Variants in PDCD1LG2 observed in about 807,000 individuals in gnomAD.
PDCD1LG2 encodes the protein programmed cell death 1 ligand 2.
Under a neutral mutation model 28.2 loss-of-function variants are expected in PDCD1LG2, and 32 were observed. The observed-to-expected ratio is 1.13, with a 90% CI of 0.86 to 1.52. PDCD1LG2 has a LOEUF of 1.52. Among genes scored for constraint, PDCD1LG2 ranks in the 40% most tolerant of loss-of-function variants. The pLI, the probability that PDCD1LG2 is intolerant of heterozygous loss-of-function variation, is 0.00. For synonymous variants in PDCD1LG2, 116 were observed against 120.2 expected, an observed-to-expected ratio of 0.97 and a Z score of 0.23; for missense variants, 385 against 323.8, an observed-to-expected ratio of 1.19 and a Z score of -1.45.
intron 2 of PDCD1LG2, among the ~76,000 whole-genome samples, chr9:5,534,087 T>G (rs10435815): frequency 0.21 from 32,383 of 151,820 alleles, 4,435 homozygotes; most frequent in Middle Eastern, 0.38. Flanking sequence ...GTGCCTCATT[T>G]TTGTTTTCTG....
intron 3 of PDCD1LG2, among the ~76,000 whole-genome samples, chr9:5,548,513 C>A (rs1172884447): frequency 6.6e-6 from 1 of 152,134 alleles, no homozygotes; most frequent in East Asian, 1.9e-4. Flanking sequence ...TGGATATATA[C>A]CCAGAAGTAG....
chr9:5,531,654 G>C (rs1820486455), intron 2 of PDCD1LG2, among the ~76,000 whole-genome samples: 1 of 152,154 alleles, frequency 6.6e-6, no homozygotes, highest in Admixed American at 6.6e-5. Flanking sequence ...GAGTTCCAGA[G>C]GAAGTTATAG....
rs777037214 is a variant in PDCD1LG2 at position 5,535,000 on chromosome 9, T to A, written c.311T>A (p.Ile104Asn). The change falls in exon 3 of 7, where the codon ATC becomes AAC. Residue 104 changes from isoleucine (I) to asparagine (N), a missense_variant. By Grantham distance (149) the Ile-to-Asn change is moderately radical (BLOSUM62 -3). Coordinates refer to ENST00000397747, the MANE Select transcript of PDCD1LG2 (RefSeq NM_025239.4). ...VRDEGQYQCI[I>N]IYGVAWDYKY... ...GACGAAGGACAGTACCAATGCATAA[T>A]CATCTATGGGGTCGCCTGGGACTAC... 1.9e-6 allele frequency: 3 copies of A among 1,613,816 alleles called. No homozygotes were observed. In the East Asian group the frequency reaches 6.7e-5, roughly 36 times the overall value.
intron 5 of PDCD1LG2, among the ~76,000 whole-genome samples, chr9:5,560,909 C>T (rs560639078): frequency 1.3e-5 from 2 of 152,144 alleles, no homozygotes; most frequent in South Asian, 2.1e-4. Flanking sequence ...GTTTGGGGCT[C>T]GAGGGTGACC....
chr9:5,533,707 C>T (rs1314189862), intron 2 of PDCD1LG2, among the ~76,000 whole-genome samples: 1 of 151,988 alleles, frequency 6.6e-6, no homozygotes, highest in Non-Finnish European at 1.5e-5. Flanking sequence ...GCGTGTCCCT[C>T]ACATTTTGGT....
rs144665242 is a variant in PDCD1LG2 at position 5,569,055 on chromosome 9, C to T, written c.817-899C>T. ...GAAGGTGTGGGAAAGTGCACGTGAC[C>T]CCGTTCAGAGAGAAAGCCAGGTGTG... is the stretch of plus-strand genomic sequence containing the variant. On this transcript the variant is annotated intron_variant, in intron 6 of 6. Transcript: ENST00000397747. This position sits in a 1 kb window ranked among gnomAD's most constrained non-coding sequence, Gnocchi z 4.1. 6.6e-6 allele frequency among the ~76,000 whole-genome samples: 1 copy of T among 152,170 alleles called. No homozygotes were observed. Among genetic ancestry groups the T allele is most frequent in the African/African-American group, 2.4e-5 (1 of 41,514 alleles).
At chr9:5,540,757 G>C (rs563061507) in intron 3 of PDCD1LG2, among the ~76,000 whole-genome samples, 1 of 152,130 alleles carries the variant, frequency 6.6e-6, no homozygotes, top group Admixed American at 6.6e-5. Context: ...GGACCAGACA[G>C]ATTCATAGCT....
In PDCD1LG2 at chr9:5,520,404, T is replaced by G. The variant is rs112149137; in HGVS notation, c.-14-2129T>G. On this transcript the variant is annotated intron_variant, in intron 1 of 6. Coordinates refer to ENST00000397747, the MANE Select transcript of PDCD1LG2 (RefSeq NM_025239.4). ...ATGCCCACAATCAGTAGAACAAATT[T>G]GGAACTAAAGTTCTTATATTTAGGT... 4.0e-3 allele frequency among the ~76,000 whole-genome samples: 616 copies of G among 152,348 alleles called. 3 individuals carry two copies. Among genetic ancestry groups the G allele is most frequent in the African/African-American group, 0.014 (577 of 41,584 alleles).
rs113821906 is a variant in PDCD1LG2 at position 5,520,415 on chromosome 9, T to C, written c.-14-2118T>C. 3.5e-3 allele frequency among the ~76,000 whole-genome samples: 537 copies of C among 152,292 alleles called. 3 individuals carry two copies. The highest frequency in any genetic ancestry group is 0.012 in the African/African-American group (500 of 41,564). The stretch of plus-strand genomic sequence containing the variant: ...CAGTAGAACAAATTTGGAACTAAAG[T>C]TCTTATATTTAGGTTCTTGATCCAT... On this transcript the variant is annotated intron_variant, in intron 1 of 6. Transcript: ENST00000397747.
intron 3 of PDCD1LG2, among the ~76,000 whole-genome samples, chr9:5,541,697 C>T (rs1820689393): frequency 6.6e-6 from 1 of 152,112 alleles, no homozygotes; most frequent in Non-Finnish European, 1.5e-5. Flanking sequence ...AAACACATCC[C>T]ATGTTCATGA....
intron 2 of PDCD1LG2, 64 bp from the exon 3 acceptor site, chr9:5,534,681 C>T (rs1028269854): frequency 2.0e-6 from 3 of 1,465,618 alleles, no homozygotes; most frequent in East Asian, 2.3e-5. Flanking sequence ...TCAGGTTACA[C>T]TTCGTAAGAA....
At chr9:5,557,840 C>G (rs2129924019) in intron 5 of PDCD1LG2, 88 bp downstream of exon 5, 2 of 1,486,124 alleles carry the variant, frequency 1.3e-6, no homozygotes, top group South Asian at 1.2e-5. Context: ...TGGCTTGCTG[C>G]TTTCATGCTA....
chr9:5,547,936 CAAAAAAAAAAA>C (rs1165268333), intron 3 of PDCD1LG2, among the ~76,000 whole-genome samples: 2 of 60,874 alleles, frequency 3.3e-5, no homozygotes, highest in South Asian at 6.0e-4. Context: ...AACTCTGTCT[CAAAAAAAAAAA>C]AAAAAAAAAA....
chr9:5,542,856 A>T (rs927455230), intron 3 of PDCD1LG2, among the ~76,000 whole-genome samples: 3 of 146,408 alleles, frequency 2.0e-5, no homozygotes, highest in African/African-American at 5.3e-5. Flanking sequence ...AGAAGTCATT[A>T]TACAAAAAAA....
At chr9:5,525,668 G>T (rs1421905549) in intron 2 of PDCD1LG2, among the ~76,000 whole-genome samples, 1 of 151,780 alleles carries the variant, frequency 6.6e-6, no homozygotes, top group East Asian at 1.9e-4. Flanking sequence ...AAAAATTAAG[G>T]CCAGAAGATA....
chr9:5,553,353 G>A (rs1242506720), intron 4 of PDCD1LG2, among the ~76,000 whole-genome samples: 1 of 152,132 alleles, frequency 6.6e-6, no homozygotes, highest in Non-Finnish European at 1.5e-5. Context: ...TTAAATATGA[G>A]CAATCCCACG....
In PDCD1LG2 at chr9:5,537,648, A is replaced by G. The variant is rs959836922; in HGVS notation, c.361+2598A>G. 4.6e-5 allele frequency among the ~76,000 whole-genome samples: 7 copies of G among 152,176 alleles called. No homozygotes were observed. The South Asian group carries it at 1.0e-3, about 23-fold the overall frequency. ...CCAAGGACAAAAAACCAAACACCGC[A>G]TGTTCTCACTCATAGGTGGGAATTG... is the stretch of plus-strand genomic sequence containing the variant. On this transcript the variant is annotated intron_variant, in intron 3 of 6. Coordinates refer to ENST00000397747, the MANE Select transcript of PDCD1LG2 (RefSeq NM_025239.4).
At chr9:5,519,603 T>A (rs1820236068) in intron 1 of PDCD1LG2, among the ~76,000 whole-genome samples, 1 of 152,222 alleles carries the variant, frequency 6.6e-6, no homozygotes, top group South Asian at 2.1e-4. Context: ...TATCTCTCTG[T>A]AGGTGATGTA....
intron 3 of PDCD1LG2, among the ~76,000 whole-genome samples, chr9:5,536,907 C>G (rs1820590958): frequency 6.6e-6 from 1 of 152,172 alleles, no homozygotes; most frequent in African/African-American, 2.4e-5. Flanking sequence ...TGGGGTTCCC[C>G]TAAAACACTT....
Sources: gnomAD v4.1 joint callset for allele counts (sites outside exome capture counted in the v4.1 genomes callset) on GRCh38, gnomAD v4.1.1 for gene constraint, Gnocchi (gnomAD v3.1) non-coding constraint, MANE v1.5 for transcripts, NCBI Gene and HGNC (gene_info 2026-07-23, HGNC 2026-07-21) for gene names.